CCDC30: variants seen among roughly 807,000 people sequenced by gnomAD.
The protein encoded by CCDC30 is coiled-coil domain-containing protein 30.
A neutral mutation model predicts 100.2 loss-of-function variants in CCDC30; 70 were observed. That is an observed-to-expected ratio of 0.70 (90% CI 0.58 to 0.85). The LOEUF (loss-of-function observed/expected upper bound fraction) is 0.85. CCDC30 is among the 40% of genes least tolerant of loss of function. CCDC30 has a pLI of 0.00. For missense variants in CCDC30, 652 were observed against 771.2 expected (o/e 0.85, Z 1.83); for synonymous variants, 233 against 269.5 (o/e 0.86, Z 1.33).
At chr1:42,657,000 C>T (rs1229066822), downstream of CCDC30, among the ~76,000 whole-genome samples, 1 of 152,126 alleles carries the variant, frequency 6.6e-6, no homozygotes. Context: ...CCCTCCTCCC[C>T]TTTCTTCTTT....
chr1:42,567,975 A>G (rs745466797), intron 7 of CCDC30, among the ~76,000 whole-genome samples: 14 of 151,874 alleles, frequency 9.2e-5, no homozygotes, highest in Non-Finnish European at 1.5e-4. Flanking sequence ...TTTTTTGTCT[A>G]TTTTAATCTC....
intron 12 of CCDC30, 139 bp downstream of exon 16, chr1:42,637,517 A>G: frequency 2.6e-6 from 2 of 767,902 alleles, no homozygotes; most frequent in Non-Finnish European, 4.2e-6. Flanking sequence ...ACCATCTTTC[A>G]ATAAGTAATT....
intron 6 of CCDC30, among the ~76,000 whole-genome samples, chr1:42,540,441 C>G (rs192847098): frequency 8.5e-5 from 13 of 152,188 alleles, no homozygotes; most frequent in Admixed American, 7.8e-4. Flanking sequence ...AACAGATGAG[C>G]TGAAATGAGA....
intron 3 of CCDC30, among the ~76,000 whole-genome samples, chr1:42,485,513 G>A (rs937390743): frequency 2.1e-4 from 32 of 152,150 alleles, no homozygotes; most frequent in African/African-American, 7.5e-4. Context: ...GGGCAAAAGG[G>A]CTGGGCGTGG....
At chr1:42,614,326 C>G (rs1054604641) in intron 11 of CCDC30, among the ~76,000 whole-genome samples, 8 of 151,890 alleles carry the variant, frequency 5.3e-5, no homozygotes, top group African/African-American at 1.7e-4. Context: ...GTGATCCACC[C>G]GCCTCGGCCT....
chr1:42,490,614 C>G (rs1007096802), intron 4 of CCDC30, among the ~76,000 whole-genome samples: 4 of 152,032 alleles, frequency 2.6e-5, no homozygotes, highest in Non-Finnish European at 5.9e-5. Flanking sequence ...CTGCCAGGCA[C>G]TTCACATGCG....
At chr1:42,492,839 G>A (rs976920384) in intron 4 of CCDC30, among the ~76,000 whole-genome samples, 3 of 151,886 alleles carry the variant, frequency 2.0e-5, no homozygotes, top group African/African-American at 4.8e-5. Context: ...TAGAGATGGG[G>A]TTTCACCATG....
chr1:42,506,179 G>A (rs1644391884), intron 6 of CCDC30, among the ~76,000 whole-genome samples: 1 of 152,184 alleles, frequency 6.6e-6, no homozygotes, highest in Admixed American at 6.5e-5. Context: ...AAATAAGGAT[G>A]AGCAATGTTT....
chr1:42,515,542 C>G (rs1644541971), intron 6 of CCDC30, among the ~76,000 whole-genome samples: 2 of 152,200 alleles, frequency 1.3e-5, no homozygotes, highest in South Asian at 4.1e-4. Context: ...CTGGAAAATG[C>G]AGCAACAAGG....
chr1:42,490,645 A>G (rs1352214060), intron 4 of CCDC30, among the ~76,000 whole-genome samples: 1 of 152,004 alleles, frequency 6.6e-6, no homozygotes, highest in Non-Finnish European at 1.5e-5. Flanking sequence ...TCCTCACAAC[A>G]GTCTATGGCC....
At chr1:42,522,804 T>C (rs556326150) in intron 6 of CCDC30, among the ~76,000 whole-genome samples, 8 of 152,294 alleles carry the variant, frequency 5.3e-5, no homozygotes, top group Admixed American at 2.0e-4. Flanking sequence ...CCAATAATTT[T>C]CTTAAATATA....
At chr1:42,637,330 T>C (rs756589118) in exon 12 of CCDC30, 18 of 1,594,542 alleles carry the variant, frequency 1.1e-5, no homozygotes, top group Non-Finnish European at 1.5e-5. Flanking sequence ...ATAAGAGAAT[T>C]AACCAATTTG....
chr1:42,537,161 A>G (rs899434144), intron 6 of CCDC30: 2 of 455,668 alleles, frequency 4.4e-6, no homozygotes, highest in Admixed American at 4.7e-5. Flanking sequence ...TCCTTTATTT[A>G]GCAGACGTTT....
At chr1:42,637,407 C>A in intron 12 of CCDC30, 29 bp downstream of exon 16, 1 of 1,597,230 alleles carries the variant, frequency 6.3e-7, no homozygotes, top group South Asian at 1.1e-5. Flanking sequence ...GTGAAGAGCT[C>A]ACTGGTGATT....
At chr1:42,581,301 A>G in intron 8 of CCDC30, 59 bp from the exon 13 acceptor site, 2 of 1,369,556 alleles carry the variant, frequency 1.5e-6, no homozygotes, top group Non-Finnish European at 2.0e-6. Context: ...TATTCCCCTA[A>G]TTTGAAAAAA....
intron 1 of CCDC30, among the ~76,000 whole-genome samples, chr1:42,477,199 T>C (rs1643893203): frequency 6.6e-6 from 1 of 152,044 alleles, no homozygotes; most frequent in Non-Finnish European, 1.5e-5. Flanking sequence ...AAACAGAAGA[T>C]ATTGTATGTC....
chr1:42,506,946 G>T (rs1644403800), intron 6 of CCDC30, among the ~76,000 whole-genome samples: 1 of 151,926 alleles, frequency 6.6e-6, no homozygotes, highest in Admixed American at 6.6e-5. Context: ...ATTTTTTTTA[G>T]ATGGAATTTT....
chr1:42,492,406 G>T, intron 4 of CCDC30: 1 of 191,974 alleles, frequency 5.2e-6, no homozygotes, highest in Non-Finnish European at 1.1e-5. Flanking sequence ...AATTCATGAA[G>T]GTAATTGTTC....
chr1:42,505,768 C>T (rs948126462), intron 6 of CCDC30, among the ~76,000 whole-genome samples: 1 of 152,132 alleles, frequency 6.6e-6, no homozygotes, highest in Non-Finnish European at 1.5e-5. Flanking sequence ...GCTTGGAGCA[C>T]CTGGACCTGT....
Sources: gnomAD v4.1 joint callset for allele counts (sites outside exome capture counted in the v4.1 genomes callset) on GRCh38, gnomAD v4.1.1 for gene constraint, MANE v1.5 for transcripts, NCBI Gene and HGNC (gene_info 2026-07-23, HGNC 2026-07-21) for gene names.